The following SAMD5 variants were observed in gnomAD, a reference collection of about 807,000 sequenced individuals.
SAMD5 encodes the protein sterile alpha motif domain containing 5, also known as sterile alpha motif domain-containing protein 5.
SAMD5 carries 13 observed loss-of-function variants against 11.3 expected under a neutral mutation model. The ratio of observed to expected loss-of-function variants is 1.15; its 90% CI spans 0.75 to 1.83. SAMD5 has a LOEUF of 1.83. Ranked by LOEUF, SAMD5 falls within the 40% of genes most tolerant of loss-of-function variation. SAMD5 has a pLI of 0.00. For missense variants in SAMD5, 255 were observed against 239.1 expected, an observed-to-expected ratio of 1.07 and a Z score of -0.44; for synonymous variants, 129 against 111.3, an observed-to-expected ratio of 1.16 and a Z score of -1.00.
chr6:147,828,274 A>G, the SAMD5 span, among the ~76,000 whole-genome samples: 2 of 152,232 alleles, frequency 1.3e-5, no homozygotes, highest in African/African-American at 4.8e-5. Context: ...CTCCATGTGA[A>G]TAATCAGGAA....
chr6:147,862,311 C>T, the SAMD5 span, among the ~76,000 whole-genome samples: 1 of 152,216 alleles, frequency 6.6e-6, no homozygotes, highest in East Asian at 1.9e-4. Context: ...GCTGCTGTTC[C>T]CTTACTGGAC....
the SAMD5 span, among the ~76,000 whole-genome samples, chr6:147,802,328 A>G: frequency 6.6e-6 from 1 of 152,230 alleles, no homozygotes; most frequent in Non-Finnish European, 1.5e-5. Context: ...ATTGTTGGTC[A>G]TTAAAGAAAT....
chr6:147,608,177 A>G (rs1192566000), intron 1 of SAMD5, among the ~76,000 whole-genome samples: 1 of 152,246 alleles, frequency 6.6e-6, no homozygotes, highest in Non-Finnish European at 1.5e-5. Context: ...GAACCCTCAT[A>G]CACTGTTGGT....
chr6:147,941,534 C>T, the SAMD5 span, among the ~76,000 whole-genome samples: 1 of 151,058 alleles, frequency 6.6e-6, no homozygotes, highest in Non-Finnish European at 1.5e-5. Context: ...TAATAACTCA[C>T]ACTGAAATAG....
Position 147,614,525 on chromosome 6 carries a change from G to A in SAMD5, c.162+105138G>A, listed in dbSNP as rs181521625. On this transcript the variant is annotated intron_variant, in intron 1 of 1. Transcript: ENST00000566741. The stretch of plus-strand genomic sequence containing the variant: ...GCAAATGATTGATACATGCAACAAC[G>A]TGGAAGAATCTCAGAACTACAGTGT... 3.6e-3 allele frequency among the ~76,000 whole-genome samples: 543 copies of A among 151,814 alleles called. 15 individuals carry two copies. Among genetic ancestry groups the A allele is most frequent in the African/African-American group, 0.012 (502 of 41,242 alleles).
chr6:147,729,915 T>G (rs548679638), intron 1 of SAMD5: 1 of 436,032 alleles, frequency 2.3e-6, no homozygotes, highest in South Asian at 1.7e-5. Flanking sequence ...TGAAACCCTG[T>G]CTCTACTAAA....
intron 1 of SAMD5, among the ~76,000 whole-genome samples, chr6:147,612,843 A>G (rs1280482238): frequency 6.6e-6 from 1 of 152,064 alleles, no homozygotes; most frequent in African/African-American, 2.4e-5. Flanking sequence ...CAGTGACATG[A>G]CTCAGTCTTC....
the SAMD5 span, among the ~76,000 whole-genome samples, chr6:147,830,092 G>A: frequency 6.6e-6 from 1 of 151,984 alleles, no homozygotes; most frequent in South Asian, 2.1e-4. Context: ...GATCTCTTGG[G>A]TTAGAAGTGA....
chr6:147,752,559 G>A, the SAMD5 span, among the ~76,000 whole-genome samples: 1 of 151,802 alleles, frequency 6.6e-6, no homozygotes, highest in Admixed American at 6.5e-5. Flanking sequence ...AATAATTATA[G>A]TATTGAAAAA....
At chr6:147,771,174 A>C in the SAMD5 span, among the ~76,000 whole-genome samples, 1 of 152,224 alleles carries the variant, frequency 6.6e-6, no homozygotes, top group Non-Finnish European at 1.5e-5. Flanking sequence ...CCAAGCTTCA[A>C]CCTATTATTT....
the SAMD5 span, among the ~76,000 whole-genome samples, chr6:147,862,843 A>G: frequency 6.6e-6 from 1 of 152,142 alleles, no homozygotes; most frequent in Non-Finnish European, 1.5e-5. Flanking sequence ...AATGTGATAT[A>G]TGTTCTCTAG....
At chr6:147,623,569 T>C (rs1026631684) in intron 1 of SAMD5, among the ~76,000 whole-genome samples, 2 of 152,206 alleles carry the variant, frequency 1.3e-5, no homozygotes, top group African/African-American at 4.8e-5. Context: ...GTGATGTATT[T>C]TCTTGTTAGA....
the SAMD5 span, among the ~76,000 whole-genome samples, chr6:147,942,980 A>T: frequency 1.3e-5 from 2 of 151,298 alleles, no homozygotes; most frequent in African/African-American, 2.4e-5. Flanking sequence ...TGCCTGGCTA[A>T]TTTTTTTTTA....
At chr6:147,788,142 G>A in the SAMD5 span, among the ~76,000 whole-genome samples, 191 of 152,302 alleles carry the variant, frequency 1.3e-3, 1 homozygote, top group African/African-American at 4.3e-3. Context: ...ACTGACAGAT[G>A]TCTGCCCTGA....
the SAMD5 span, among the ~76,000 whole-genome samples, chr6:147,936,245 G>A: frequency 1.3e-5 from 2 of 152,092 alleles, no homozygotes; most frequent in Non-Finnish European, 2.9e-5. Flanking sequence ...GGCCATTCTT[G>A]CATTGCCATA....
In SAMD5 at chr6:147,564,529, C is replaced by T; in HGVS notation, c.*73C>T. 1 of 963,518 alleles carries T rather than the reference C, an allele frequency of 1.0e-6. No homozygotes were observed. Among genetic ancestry groups the T allele is most frequent in the East Asian group, 2.4e-5 (1 of 41,332 alleles). The allele number at this position is 963,518 out of a possible 1,614,324, so 59.7% of individuals were successfully genotyped here. On this transcript the variant is annotated 3_prime_UTR_variant, in exon 2 of 2. Coordinates refer to ENST00000367474, the MANE Select transcript of SAMD5 (RefSeq NM_001030060.3). ...TGGAAAAGGGCATATTTAGAACCTT[C>T]TTTCAAAAAGGGAAATGGATGATGA...
rs1030443905 is a variant in SAMD5 at position 147,637,081 on chromosome 6, G to A, written c.163-100236G>A. 4.6e-5 allele frequency among the ~76,000 whole-genome samples: 7 copies of A among 152,280 alleles called. No homozygotes were observed. The East Asian group carries it at 9.7e-4, about 21-fold the overall frequency. ...GCTGAGGTCTGGGTGCTGGAAGCCC[G>A]TGGAGCTCACATGGGTTCACACGGC... is the stretch of plus-strand genomic sequence containing the variant. On this transcript the variant is annotated intron_variant, in intron 1 of 1. Coordinates refer to the SAMD5 transcript ENST00000566741.
At chr6:147,561,507 A>C (rs7745268) in intron 1 of SAMD5, among the ~76,000 whole-genome samples, 9,950 of 152,206 alleles carry the variant, frequency 0.065, 503 homozygotes, top group African/African-American at 0.13. Flanking sequence ...ATGAATTTTA[A>C]GAAGGGATCA....
In SAMD5 at chr6:147,555,552, G is replaced by A. The variant is rs144139563; in HGVS notation, c.460-8842G>A. Among the ~76,000 whole-genome samples, 95 of 152,202 alleles carry A rather than the reference G, an allele frequency of 6.2e-4. No individual in the cohort carries two copies. The East Asian group carries it at 0.016, about 26-fold the overall frequency. On this transcript the variant is annotated intron_variant, in intron 1 of 1. Transcript: ENST00000367474. ...TTTTTTTGATTAGGCTACCTTGGGTGGTGATATTAACACATGGAATTTTTA... is the reference window on the plus strand; with the variant it reads ...TTTTTTTGATTAGGCTACCTTGGGTAGTGATATTAACACATGGAATTTTTA...
Sources: allele counts gnomAD v4.1 joint callset (sites outside exome capture counted in the v4.1 genomes callset), GRCh38; gene constraint gnomAD v4.1.1; transcripts MANE v1.5; gene names NCBI Gene and HGNC (gene_info 2026-07-23, HGNC 2026-07-21).